Variants in POLR3F observed in about 807,000 individuals in gnomAD.
POLR3F encodes the protein DNA-directed RNA polymerase III subunit RPC6.
POLR3F carries 31 observed loss-of-function variants against 43.6 expected under a neutral mutation model. The ratio of observed to expected loss-of-function variants is 0.71; its 90% CI spans 0.53 to 0.96. POLR3F has a LOEUF of 0.96. Among genes scored for constraint, POLR3F ranks in the 40% least tolerant of loss-of-function variants. The pLI, the probability that POLR3F is intolerant of heterozygous loss-of-function variation, is 0.00. For missense variants in POLR3F, 316 were observed against 391.7 expected (o/e 0.81, Z 1.63); for synonymous variants, 114 against 132.5 (o/e 0.86, Z 0.96).
intron 3 of POLR3F, 181 bp downstream of exon 3, chr20:18,473,090 C>T (rs997577334): frequency 2.6e-6 from 1 of 378,780 alleles, no homozygotes; most frequent in Non-Finnish European, 4.7e-6. Flanking sequence ...TTTCTTCTAG[C>T]TATATATAAA....
Position 18,481,615 on chromosome 20 carries a change from T to A in POLR3F, c.682-4T>A. ...GTGTCCTTTCTGATGTATCCCTTTTTTAGGTAGAGTTATCCATGGAAGACA... is the reference window on the plus strand; with the variant it reads ...GTGTCCTTTCTGATGTATCCCTTTTATAGGTAGAGTTATCCATGGAAGACA... On this transcript the variant is annotated splice_polypyrimidine_tract_variant and splice_region_variant and intron_variant, in intron 7 of 8. Transcript: ENST00000377603. 6.3e-7 allele frequency: 1 copy of A among 1,590,664 alleles called. No individual in the cohort carries two copies. The highest frequency in any genetic ancestry group is 8.6e-7 in the Non-Finnish European group (1 of 1,158,656).
chr20:18,480,218 CT>C lies in POLR3F; in HGVS notation c.573+39del, dbSNP rs150670879. On this transcript the variant is annotated intron_variant, in intron 6 of 8. Coordinates refer to ENST00000377603, the MANE Select transcript of POLR3F (RefSeq NM_006466.4). ...TTGAGGAAACATCACTGCAAACCCT[CT>C]TGTAAAAAGTTTTTCACAAAGGATT... 2,388 of 1,563,912 alleles carry C rather than the reference CT, an allele frequency of 1.5e-3. 31 individuals carry two copies. The African/African-American group carries it at 0.029, about 19-fold the overall frequency.
chr20:18,477,732 CA>C (rs1327865746), intron 5 of POLR3F, among the ~76,000 whole-genome samples: 28 of 152,226 alleles, frequency 1.8e-4, no homozygotes, highest in African/African-American at 6.5e-4. Context: ...CTGGAAAAGG[CA>C]AAACTAGACA....
chr20:18,478,679 A>G (rs1360400225), intron 5 of POLR3F, among the ~76,000 whole-genome samples: 2 of 152,232 alleles, frequency 1.3e-5, no homozygotes, highest in African/African-American at 2.4e-5. Context: ...ATAGATGGTT[A>G]TATTTAGAAA....
intron 5 of POLR3F, among the ~76,000 whole-genome samples, chr20:18,479,679 G>A (rs2059799520): frequency 6.6e-6 from 1 of 152,160 alleles, no homozygotes; most frequent in African/African-American, 2.4e-5. Flanking sequence ...CATAGTGATA[G>A]AAATACGGTG....
chr20:18,467,586 C>T lies in POLR3F; in HGVS notation c.62+18C>T, dbSNP rs762351215. ...GAAAACAGGTAAACCAGTGAGGCTC[C>T]GGCTTGGCACTCCATCAGGCGCCCA... On this transcript the variant is annotated intron_variant, in intron 1 of 8. Transcript: ENST00000377603. 2.5e-6 allele frequency: 4 copies of T among 1,614,162 alleles called. No individual in the cohort carries two copies. Among genetic ancestry groups the T allele is most frequent in the Non-Finnish European group, 2.5e-6 (3 of 1,179,974 alleles).
chr20:18,482,570 C>A (rs886860671), intron 8 of POLR3F, among the ~76,000 whole-genome samples: 1 of 152,062 alleles, frequency 6.6e-6, no homozygotes, highest in Non-Finnish European at 1.5e-5. Context: ...TAGAAGTAAC[C>A]GGGATTCAAA....
chr20:18,471,509 A>G (rs998779602), intron 2 of POLR3F, among the ~76,000 whole-genome samples: 1 of 152,196 alleles, frequency 6.6e-6, no homozygotes, highest in African/African-American at 2.4e-5. Context: ...CCAAACACCT[A>G]TCATAACACC....
intron 3 of POLR3F, 73 bp downstream of exon 3, chr20:18,472,982 T>C: frequency 1.4e-6 from 1 of 712,386 alleles, no homozygotes; most frequent in South Asian, 1.7e-5. Flanking sequence ...ATAAAGCTAA[T>C]ACAAAATTAC....
intron 5 of POLR3F, among the ~76,000 whole-genome samples, chr20:18,478,094 T>TG (rs528167831): frequency 3.0e-4 from 46 of 152,354 alleles, no homozygotes; most frequent in African/African-American, 1.0e-3. Context: ...AGGAGTCACC[T>TG]TGTTAGCATA....
intron 2 of POLR3F, among the ~76,000 whole-genome samples, chr20:18,469,671 G>A (rs1205313600): frequency 6.6e-6 from 1 of 152,188 alleles, no homozygotes; most frequent in Non-Finnish European, 1.5e-5. Flanking sequence ...TCTAAACCAG[G>A]AAACAGCTCA....
intron 6 of POLR3F, 24 bp downstream of exon 6, chr20:18,480,205 C>A: frequency 6.3e-7 from 1 of 1,583,700 alleles, no homozygotes; most frequent in Non-Finnish European, 8.6e-7. Context: ...GAGGAAACAT[C>A]ACTGCAAACC....
chr20:18,472,085 G>A (rs534857702), intron 2 of POLR3F, among the ~76,000 whole-genome samples: 3 of 152,234 alleles, frequency 2.0e-5, no homozygotes, highest in South Asian at 4.1e-4. Flanking sequence ...TCTTAAGTTC[G>A]GACCCAAGGA....
intron 7 of POLR3F, among the ~76,000 whole-genome samples, chr20:18,481,077 A>G (rs947089692): frequency 1.6e-4 from 25 of 152,232 alleles, no homozygotes; most frequent in African/African-American, 5.8e-4. Context: ...CTTAGGAAGT[A>G]AAGATACCAG....
chr20:18,471,569 A>G (rs1165654959), intron 2 of POLR3F, among the ~76,000 whole-genome samples: 1 of 152,256 alleles, frequency 6.6e-6, no homozygotes, highest in Non-Finnish European at 1.5e-5. Context: ...ATAAATGACC[A>G]GAGCCTCTGG....
At position 18,484,322 on chromosome 20, in the gene POLR3F, A is replaced by T; in HGVS notation, c.*764A>T. The T allele has an allele frequency of 2.5e-6, 1 of 393,080 alleles. No individual in the cohort carries two copies. Among genetic ancestry groups the T allele is most frequent in the Non-Finnish European group, 4.5e-6 (1 of 223,064 alleles). 24.3% of individuals were successfully genotyped at this position (393,080 alleles called of 1,614,324 possible). On this transcript the variant is annotated 3_prime_UTR_variant, in exon 9 of 9. Transcript: ENST00000377603. ...TTGTTAGAATTTACCCTAGATTCTTATTTAATGTCTGCAGTAGACTGAATG... is the reference window on the plus strand; with the variant it reads ...TTGTTAGAATTTACCCTAGATTCTTTTTTAATGTCTGCAGTAGACTGAATG...
chr20:18,469,413 C>A, intron 2 of POLR3F: 3 of 193,036 alleles, frequency 1.6e-5, no homozygotes, highest in South Asian at 9.9e-5. Context: ...CTCAGACCTT[C>A]AGACTTGGAC....
Position 18,479,310 on chromosome 20 carries a change from A to C in POLR3F, c.430-728A>C, listed in dbSNP as rs984659517. Among the ~76,000 whole-genome samples, 6 of 151,776 alleles carry C rather than the reference A, an allele frequency of 4.0e-5. No homozygotes were observed. In the East Asian group the frequency reaches 1.2e-3, roughly 30 times the overall value. ...AGAGATCGAGACCATCCTGGCCAACATGGTGACACCCCCGTCTCTGCTAAA... is the reference window on the plus strand; with the variant it reads ...AGAGATCGAGACCATCCTGGCCAACCTGGTGACACCCCCGTCTCTGCTAAA... On this transcript the variant is annotated intron_variant, in intron 5 of 8. Transcript: ENST00000377603.
At chr20:18,482,913 G>C (rs1431108539) in intron 8 of POLR3F, among the ~76,000 whole-genome samples, 2 of 152,034 alleles carry the variant, frequency 1.3e-5, no homozygotes, top group African/African-American at 2.4e-5. Context: ...CATATGTATA[G>C]GTCTCCCTGC....
Sources: gnomAD v4.1 joint callset for allele counts (sites outside exome capture counted in the v4.1 genomes callset) on GRCh38, gnomAD v4.1.1 for gene constraint, MANE v1.5 for transcripts, NCBI Gene and HGNC (gene_info 2026-07-23, HGNC 2026-07-21) for gene names.